Variants in RIF1 observed in about 807,000 individuals in gnomAD.
RIF1 encodes replication timing regulatory factor 1, also known as telomere-associated protein RIF1.
A neutral mutation model predicts 247.1 loss-of-function variants in RIF1; 45 were observed. The ratio of observed to expected loss-of-function variants is 0.18; its 90% CI spans 0.14 to 0.23. The LOEUF is 0.23. Among genes scored for constraint, RIF1 ranks in the 10% least tolerant of loss-of-function variants. The pLI is 1.00. For synonymous variants in RIF1, 1,087 were observed against 978.8 expected (o/e 1.11, Z -2.06); for missense variants, 2,967 against 2,862.5 (o/e 1.04, Z -0.83).
At position 151,463,940 on chromosome 2, in the gene RIF1, C is replaced by T; in HGVS notation, c.4420C>T (p.Leu1474=). The change falls in exon 30 of 36, where the codon CTA becomes TTA. Residue 1474 remains leucine, a synonymous_variant. Transcript: ENST00000444746. ...ACAAAAACTGATTGCTGAACAAACTCTACAGGAGAATTTAATTGAGAAAGG... is the reference window on the plus strand; with the variant it reads ...ACAAAAACTGATTGCTGAACAAACTTTACAGGAGAATTTAATTGAGAAAGG... ...PKQKLIAEQT[L]QENLIEKGSN... is the part of the protein sequence containing the mutation. The T allele has an allele frequency of 6.2e-7, 1 of 1,612,168 alleles. No homozygotes were observed. The highest frequency in any genetic ancestry group is 8.5e-7 in the Non-Finnish European group (1 of 1,179,570).
At chr2:151,460,401 G>C (rs528738012) in intron 26 of RIF1, among the ~76,000 whole-genome samples, 1 of 152,288 alleles carries the variant, frequency 6.6e-6, no homozygotes, top group African/African-American at 2.4e-5. Context: ...AATGAGACTA[G>C]TTATGAATGA....
intron 15 of RIF1, among the ~76,000 whole-genome samples, chr2:151,440,806 A>G (rs1161805980): frequency 6.6e-6 from 1 of 152,176 alleles, no homozygotes; most frequent in Non-Finnish European, 1.5e-5. Flanking sequence ...CTAACCCCAT[A>G]TGTAAAGAGG....
chr2:151,433,392 A>G (rs1464100211), intron 10 of RIF1, among the ~76,000 whole-genome samples, 164 bp downstream of exon 10: 1 of 152,210 alleles, frequency 6.6e-6, no homozygotes, highest in Non-Finnish European at 1.5e-5. Context: ...CATTTCCCAC[A>G]AGGGATATTG....
chr2:151,458,739 G>A, intron 24 of RIF1, 72 bp from the exon 25 acceptor site: 2 of 735,986 alleles, frequency 2.7e-6, no homozygotes, highest in Non-Finnish European at 2.2e-6. Context: ...TTAAAGTGCT[G>A]TTGTTAACAG....
intron 29 of RIF1, 32 bp from the exon 30 acceptor site, chr2:151,462,852 G>T: frequency 6.9e-7 from 1 of 1,445,070 alleles, no homozygotes; most frequent in Non-Finnish European, 9.4e-7. Context: ...ATTAATCTGT[G>T]TGTGTATATA....
At chr2:151,503,179 C>G (rs757055441) in exon 12 of RIF1, 1 of 606,982 alleles carries the variant, frequency 1.6e-6, no homozygotes, top group South Asian at 2.1e-5. Flanking sequence ...CAAGTATAAT[C>G]GGAAATGTGA....
At chr2:151,421,993 G>T (rs912592563) in intron 7 of RIF1, among the ~76,000 whole-genome samples, 2 of 151,664 alleles carry the variant, frequency 1.3e-5, no homozygotes, top group Admixed American at 1.3e-4. Flanking sequence ...AACCATGCCC[G>T]ACCGATATTT....
intron 29 of RIF1, 36 bp from the exon 30 acceptor site, chr2:151,462,848 C>CTG (rs1553492962): frequency 5.6e-6 from 8 of 1,418,654 alleles, no homozygotes; most frequent in South Asian, 2.8e-5. Context: ...GGTTATTAAT[C>CTG]TGTGTGTGTA....
intron 26 of RIF1, among the ~76,000 whole-genome samples, chr2:151,460,396 GACTAGTTAT>G (rs1237944184): frequency 6.6e-6 from 1 of 152,172 alleles, no homozygotes; most frequent in African/African-American, 2.4e-5. Context: ...GATGGAATGA[GACTAGTTAT>G]GAATGACTAA....
chr2:151,497,889 C>T (rs769143211), intron 10 of RIF1: 156 of 1,487,080 alleles, frequency 1.0e-4, no homozygotes, highest in Non-Finnish European at 1.4e-4. Flanking sequence ...GAATCTGCAC[C>T]CTCTAGAGAA....
At chr2:151,518,417 C>T in the RIF1 span, 1 of 1,598,682 alleles carries the variant, frequency 6.3e-7, no homozygotes, top group South Asian at 1.1e-5. Context: ...TCTTCTTGTA[C>T]TGGTACTGAG....
rs80002176 is a variant in RIF1, at chr2:151,468,277, A to C, written c.6747+131A>C. The C allele has an allele frequency of 1.7e-4, 159 of 932,300 alleles. 1 individual carries two copies. The African/African-American group carries it at 2.3e-3, about 13-fold the overall frequency. The allele number at this position is 932,300 out of a possible 1,614,324, so 57.8% of individuals were successfully genotyped here. ...TTTAAAATATATTCTTTTGTCTGGT[A>C]CACGGTAAGCAGAAAGGAAGAGAAG... On this transcript the variant is annotated intron_variant, in intron 31 of 35. Coordinates refer to ENST00000444746, the MANE Select transcript of RIF1 (RefSeq NM_018151.5).
chr2:151,471,145 G>C (rs1697745254), intron 34 of RIF1, among the ~76,000 whole-genome samples: 1 of 152,056 alleles, frequency 6.6e-6, no homozygotes, highest in African/African-American at 2.4e-5. Context: ...TTTCATAAAA[G>C]TGGGGTCGTA....
intron 8 of RIF1, among the ~76,000 whole-genome samples, chr2:151,425,403 A>T (rs977239436): frequency 1.3e-5 from 2 of 151,936 alleles, no homozygotes; most frequent in South Asian, 4.1e-4. Flanking sequence ...TATAATATAT[A>T]TATTTTTTGT....
At chr2:151,442,361 CTG>C (rs773674311) in intron 16 of RIF1, among the ~76,000 whole-genome samples, 23 of 146,992 alleles carry the variant, frequency 1.6e-4, no homozygotes, top group Non-Finnish European at 2.2e-4. Context: ...GTGTGAGCCA[CTG>C]TGCCCAGCAT....
rs777232352 is a variant in RIF1 at position 151,491,704 on chromosome 2, G to A, written c.*416-3525G>A. On this transcript the variant is annotated intron_variant and NMD_transcript_variant, in intron 9 of 13. Transcript: ENST00000454583. ...ACACCATTAATCATGTGTAAGCTTC[G>A]GGACTGGATGTTGTCTTCTGCTGGA... is the stretch of plus-strand genomic sequence containing the variant. The A allele has an allele frequency of 1.9e-6, 3 of 1,596,106 alleles. No individual in the cohort carries two copies. Among genetic ancestry groups the A allele is most frequent in the South Asian group, 1.1e-5 (1 of 87,682 alleles).
intron 25 of RIF1, among the ~76,000 whole-genome samples, chr2:151,459,126 C>T (rs963161831): frequency 3.3e-5 from 5 of 152,084 alleles, no homozygotes; most frequent in African/African-American, 9.7e-5. Flanking sequence ...GTTTTGAACT[C>T]GGGTACCTCA....
intron 9 of RIF1, 34 bp downstream of exon 9, chr2:151,428,956 GA>G (rs1288016523): frequency 7.4e-7 from 1 of 1,348,036 alleles, no homozygotes; most frequent in Admixed American, 2.1e-5. Flanking sequence ...GATTTTCTGT[GA>G]ATTTGTTTTG....
At chr2:151,462,848 C>CT (rs773222527) in intron 29 of RIF1, 36 bp from the exon 30 acceptor site, 5 of 1,418,772 alleles carry the variant, frequency 3.5e-6, no homozygotes. Context: ...GGTTATTAAT[C>CT]TGTGTGTGTA....
Sources: allele counts gnomAD v4.1 joint callset (sites outside exome capture counted in the v4.1 genomes callset), GRCh38; gene constraint gnomAD v4.1.1; transcripts MANE v1.5; gene names NCBI Gene and HGNC (gene_info 2026-07-23, HGNC 2026-07-21).